Variants in MAST2 observed in about 807,000 individuals in gnomAD.
MAST2 encodes microtubule-associated serine/threonine-protein kinase 2.
A neutral mutation model predicts 147.4 loss-of-function variants in MAST2; 70 were observed. That is an observed-to-expected ratio of 0.47 (90% CI 0.39 to 0.58). MAST2 has a LOEUF of 0.58. Among genes scored for constraint, MAST2 ranks in the 20% least tolerant of loss-of-function variants. The pLI is 0.00. For synonymous variants in MAST2, 869 were observed against 896.8 expected, an observed-to-expected ratio of 0.97 and a Z score of 0.55; for missense variants, 2,080 against 2,302.3, an observed-to-expected ratio of 0.90 and a Z score of 1.98.
At chr1:45,916,008 A>T (rs1425238003) in intron 4 of MAST2, among the ~76,000 whole-genome samples, 1 of 152,210 alleles carries the variant, frequency 6.6e-6, no homozygotes, top group Non-Finnish European at 1.5e-5. Context: ...CTTTAAAAAA[A>T]TGTTGAGTTT....
At chr1:46,032,998 C>T (rs570949697) in intron 26 of MAST2, among the ~76,000 whole-genome samples, 1 of 145,922 alleles carries the variant, frequency 6.9e-6, no homozygotes, top group Admixed American at 6.8e-5. Context: ...AAAAAAAATG[C>T]CTGGGTGTGG....
chr1:45,829,716 A>G, intron 3 of MAST2, 135 bp downstream of exon 3: 2 of 949,836 alleles, frequency 2.1e-6, no homozygotes, highest in Non-Finnish European at 3.1e-6. Flanking sequence ...AAGAGAATGA[A>G]TTTATTATTA....
intron 3 of MAST2, among the ~76,000 whole-genome samples, chr1:45,835,204 T>G (rs543007123): frequency 9.2e-5 from 14 of 152,268 alleles, no homozygotes; most frequent in African/African-American, 3.4e-4. Context: ...AGTTCACAAG[T>G]TAGTAGTATA....
intron 4 of MAST2, among the ~76,000 whole-genome samples, chr1:45,907,559 G>A (rs1384406530): frequency 6.6e-6 from 1 of 150,544 alleles, no homozygotes; most frequent in Non-Finnish European, 1.5e-5. Flanking sequence ...CCAAATTCAA[G>A]CAATTCTTGT....
chr1:45,934,133 A>G (rs1029741949), intron 4 of MAST2, among the ~76,000 whole-genome samples: 9 of 152,082 alleles, frequency 5.9e-5, no homozygotes, highest in African/African-American at 2.2e-4. Context: ...ATGTATATTC[A>G]GTGTTTAGCT....
In MAST2 at chr1:45,942,487, G is replaced by A. The variant is rs1437205967; in HGVS notation, c.501-16899G>A. Among the ~76,000 whole-genome samples the A allele has an allele frequency of 4.6e-5, 7 of 152,080 alleles. No individual in the cohort carries two copies. The East Asian group carries it at 1.2e-3, about 25-fold the overall frequency. On this transcript the variant is annotated intron_variant, in intron 4 of 28. Transcript: ENST00000361297. The stretch of plus-strand genomic sequence containing the variant: ...TAACTCAAAGAGGTGCTGAGAATTC[G>A]GTGCTTGTACACCATTTCATTTATT...
chr1:45,823,074 A>G (rs993655037), intron 1 of MAST2, among the ~76,000 whole-genome samples: 4 of 152,056 alleles, frequency 2.6e-5, no homozygotes, highest in African/African-American at 9.7e-5. Context: ...TTCTTCACCA[A>G]CTTCACTCTT....
intron 2 of MAST2, among the ~76,000 whole-genome samples, chr1:45,828,961 A>C (rs937661312): frequency 6.6e-6 from 1 of 152,130 alleles, no homozygotes; most frequent in South Asian, 2.1e-4. Flanking sequence ...AATCATTGGA[A>C]TTCCCTATAC....
intron 3 of MAST2, among the ~76,000 whole-genome samples, chr1:45,834,822 T>C (rs893986731): frequency 6.6e-6 from 1 of 152,132 alleles, no homozygotes; most frequent in Non-Finnish European, 1.5e-5. Context: ...GCAGTTTTGA[T>C]CTTTGCCTTC....
intron 4 of MAST2, among the ~76,000 whole-genome samples, chr1:45,955,031 T>C (rs1043055051): frequency 2.0e-5 from 3 of 152,270 alleles, no homozygotes; most frequent in Non-Finnish European, 4.4e-5. Context: ...TACTCATCCA[T>C]TCATTTAACA....
rs1653930123 is a variant in MAST2, at chr1:45,923,881, C to CT, written c.501-35497dup. On this transcript the variant is annotated intron_variant, in intron 4 of 28. Transcript: ENST00000361297. ...TTACCTTCTTGTAAAAACCTCTGTT[C>CT]TTTTTTTTGAGACAAGTTCTCACTC... Among the ~76,000 whole-genome samples the CT allele has an allele frequency of 2.0e-5, 3 of 151,764 alleles. No homozygotes were observed. In the South Asian group the frequency reaches 6.3e-4, roughly 32 times the overall value.
intron 3 of MAST2, among the ~76,000 whole-genome samples, chr1:45,877,593 C>T (rs371233329): frequency 7.2e-5 from 11 of 152,026 alleles, no homozygotes; most frequent in East Asian, 1.9e-4. Context: ...CAATTTGAGA[C>T]GAGAAAGTAT....
chr1:45,899,857 A>T (rs928410278), intron 4 of MAST2, among the ~76,000 whole-genome samples: 1 of 151,964 alleles, frequency 6.6e-6, no homozygotes, highest in Non-Finnish European at 1.5e-5. Flanking sequence ...ATTAAAAAAA[A>T]ATTTTTTTTT....
chr1:46,003,746 C>T (rs1645367141), intron 7 of MAST2, among the ~76,000 whole-genome samples: 1 of 152,126 alleles, frequency 6.6e-6, no homozygotes, highest in Non-Finnish European at 1.5e-5. Context: ...GGATTACAGG[C>T]GTGAACTGCC....
chr1:45,941,007 C>T (rs994359000), intron 4 of MAST2, among the ~76,000 whole-genome samples: 1 of 152,166 alleles, frequency 6.6e-6, no homozygotes, highest in African/African-American at 2.4e-5. Flanking sequence ...AGCTGGCAAG[C>T]TCTGATTGGT....
rs1333397827 is a variant in MAST2 at position 46,032,416 on chromosome 1, C to T, written c.3414+12C>T. On this transcript the variant is annotated intron_variant, in intron 25 of 28. Coordinates refer to ENST00000361297, the MANE Select transcript of MAST2 (RefSeq NM_015112.3). ...ACCATATGGTGTGGGTATGTCTGAC[C>T]ATCCAGACCTGCTGTCTCCCTGCTT... is the stretch of plus-strand genomic sequence containing the variant. The T allele has an allele frequency of 3.1e-6, 5 of 1,612,510 alleles. No homozygotes were observed. The African/African-American group carries it at 5.3e-5, about 17-fold the overall frequency.
At chr1:45,825,250 C>T (rs1644755938) in intron 2 of MAST2, among the ~76,000 whole-genome samples, 1 of 152,168 alleles carries the variant, frequency 6.6e-6, no homozygotes, top group Non-Finnish European at 1.5e-5. Flanking sequence ...TGGTCTCGAT[C>T]TCCTGAGCTT....
At chr1:45,877,708 A>T (rs2148245057) in intron 3 of MAST2, among the ~76,000 whole-genome samples, 1 of 152,334 alleles carries the variant, frequency 6.6e-6, no homozygotes, top group African/African-American at 2.4e-5. Flanking sequence ...AGGAAGAAAT[A>T]ACACCAGTCT....
chr1:45,999,260 C>T lies in MAST2; in HGVS notation c.668+1461C>T, dbSNP rs75508671. On this transcript the variant is annotated intron_variant, in intron 6 of 28. Coordinates refer to ENST00000361297, the MANE Select transcript of MAST2 (RefSeq NM_015112.3). ...ACAAATTTTATCCAGGTTTGTTCCACGGGCTCATCTCTCCTACCCTATGGA... is the reference window on the plus strand; with the variant it reads ...ACAAATTTTATCCAGGTTTGTTCCATGGGCTCATCTCTCCTACCCTATGGA... Among the ~76,000 whole-genome samples the T allele has an allele frequency of 3.0e-3, 459 of 152,250 alleles. 3 individuals carry two copies. The highest frequency in any genetic ancestry group is 0.02 in the East Asian group (106 of 5,172).
Sources: gnomAD v4.1 joint callset for allele counts (sites outside exome capture counted in the v4.1 genomes callset) on GRCh38, gnomAD v4.1.1 for gene constraint, MANE v1.5 for transcripts, NCBI Gene and HGNC (gene_info 2026-07-23, HGNC 2026-07-21) for gene names.